Variants in DPP6 observed in about 807,000 individuals in gnomAD.
DPP6 encodes the protein A-type potassium channel modulatory protein DPP6.
Under a neutral mutation model 122.6 loss-of-function variants are expected in DPP6, and 69 were observed. That is an observed-to-expected ratio of 0.56 (90% CI 0.46 to 0.69). The LOEUF (loss-of-function observed/expected upper bound fraction) is 0.69. Among genes scored for constraint, DPP6 ranks in the 30% least tolerant of loss-of-function variants. The pLI is 0.00. For missense variants in DPP6, 928 were observed against 1,116.9 expected (o/e 0.83, Z 2.41); for synonymous variants, 418 against 433.1 (o/e 0.97, Z 0.43).
intron 10 of DPP6, among the ~76,000 whole-genome samples, chr7:154,788,853 C>T (rs1415175795): frequency 6.6e-6 from 1 of 152,180 alleles, no homozygotes; most frequent in Non-Finnish European, 1.5e-5. Flanking sequence ...CTTTACACCT[C>T]CATGTCACCT....
chr7:154,148,812 T>A (rs1796256643), intron 1 of DPP6, among the ~76,000 whole-genome samples: 1 of 152,204 alleles, frequency 6.6e-6, no homozygotes, highest in Non-Finnish European at 1.5e-5. Context: ...TCACGCCTGC[T>A]GAGAATGCCC....
chr7:154,822,352 G>A (rs977398038), intron 16 of DPP6, among the ~76,000 whole-genome samples: 8 of 152,276 alleles, frequency 5.3e-5, no homozygotes, highest in East Asian at 1.9e-4. Flanking sequence ...GTGCTATCTC[G>A]CTGCGTCCTC....
rs187276896 is a variant in DPP6, at chr7:154,524,075, G to A, written c.458-16457G>A. Among the ~76,000 whole-genome samples the A allele has an allele frequency of 5.9e-5, 9 of 152,292 alleles. No homozygotes were observed. The East Asian group carries it at 1.7e-3, about 29-fold the overall frequency. On this transcript the variant is annotated intron_variant, in intron 3 of 25. Transcript: ENST00000377770. ...AAGGTGGAACTCTCCTTCATAAACA[G>A]GCTATTTGGTGTACCTGAAGTACCA...
At position 154,892,864 on chromosome 7, in the gene DPP6, CCTCTGTGTTCCCGTTAGGGA is replaced by C. The variant is rs1806742947; in HGVS notation, c.*386_*405del. On this transcript the variant is annotated 3_prime_UTR_variant, in exon 26 of 26. Coordinates refer to ENST00000377770, the MANE Select transcript of DPP6 (RefSeq NM_130797.4). ...GAAGCATGAGACCCGCCCACACTAG[CCTCTGTGTTCCCGTTAGGGA>C]CATCACACCCTGTCTCACGTCGCAG... The C allele has an allele frequency of 1.9e-6, 1 of 535,630 alleles. No individual in the cohort carries two copies. The highest frequency in any genetic ancestry group is 3.7e-6 in the Non-Finnish European group (1 of 271,332). 33.2% of individuals were successfully genotyped at this position (535,630 alleles called of 1,614,324 possible). A position where few individuals can be genotyped will look rare whatever the true frequency, so the allele number is the denominator to read the frequency against.
At chr7:154,739,609 T>C (rs1223963301) in intron 8 of DPP6, among the ~76,000 whole-genome samples, 1 of 152,262 alleles carries the variant, frequency 6.6e-6, no homozygotes, top group Non-Finnish European at 1.5e-5. Context: ...TAACGTTTTA[T>C]TGTTGCAAAC....
chr7:154,871,723 G>A (rs551781018), intron 18 of DPP6, among the ~76,000 whole-genome samples: 8 of 152,220 alleles, frequency 5.3e-5, no homozygotes, highest in Non-Finnish European at 4.4e-5. Context: ...GTAATGAGAC[G>A]CCAGGTCAGA....
At chr7:154,062,313 C>T (rs1585283083) in intron 1 of DPP6, among the ~76,000 whole-genome samples, 1 of 76,146 alleles carries the variant, frequency 1.3e-5, no homozygotes, top group Non-Finnish European at 2.7e-5. Context: ...TCTGAGGACC[C>T]CCATCGCAGG....
intron 10 of DPP6, among the ~76,000 whole-genome samples, chr7:154,777,268 G>T (rs1195067777): frequency 6.6e-6 from 1 of 152,222 alleles, no homozygotes; most frequent in Non-Finnish European, 1.5e-5. Context: ...GAGCAGAGGT[G>T]CCCCTTGTGG....
intron 1 of DPP6, among the ~76,000 whole-genome samples, chr7:154,055,302 T>C (rs1412178209): frequency 3.8e-5 from 5 of 132,186 alleles, no homozygotes; most frequent in African/African-American, 1.4e-4. Context: ...TTGCATCCTT[T>C]AAAAACAACA....
chr7:153,749,390 C>T, the DPP6 span, among the ~76,000 whole-genome samples: 1 of 151,606 alleles, frequency 6.6e-6, no homozygotes, highest in African/African-American at 2.4e-5. This position sits in a 1 kb window ranked among gnomAD's most constrained non-coding sequence, Gnocchi z 4.1. Context: ...CACAATCAGA[C>T]CCCCCTGGGC....
chr7:154,400,275 A>G (rs1408366005), intron 1 of DPP6, among the ~76,000 whole-genome samples: 1 of 152,184 alleles, frequency 6.6e-6, no homozygotes, highest in Non-Finnish European at 1.5e-5. Flanking sequence ...GCATAAACAC[A>G]GCCCTAAGTG....
chr7:153,984,169 G>A (rs1379524615), intron 1 of DPP6, among the ~76,000 whole-genome samples: 1 of 151,992 alleles, frequency 6.6e-6, no homozygotes, highest in Non-Finnish European at 1.5e-5. Context: ...CAGCAAATTT[G>A]TGGGTATCCC....
intron 1 of DPP6, among the ~76,000 whole-genome samples, chr7:154,015,031 T>C (rs962251309): frequency 4.6e-5 from 7 of 152,152 alleles, no homozygotes; most frequent in African/African-American, 1.7e-4. Context: ...GAAACTGTTT[T>C]CTCATTGACG....
chr7:153,937,764 C>T lies in DPP6; in HGVS notation c.51+50030C>T, dbSNP rs150116259. 4.8e-3 allele frequency among the ~76,000 whole-genome samples: 736 copies of T among 152,208 alleles called. 2 individuals carry two copies. Among genetic ancestry groups the T allele is most frequent in the Non-Finnish European group, 8.1e-3 (548 of 68,006 alleles). On this transcript the variant is annotated intron_variant, in intron 1 of 25. Transcript: ENST00000404039. ...GCCCAGCCCAGAGCTACCTTTGATG[C>T]CCATTTTCATCATGTTCAGCTTGGT...
chr7:154,766,665 G>A (rs1351985023), intron 8 of DPP6, among the ~76,000 whole-genome samples: 2 of 152,214 alleles, frequency 1.3e-5, no homozygotes, highest in Non-Finnish European at 2.9e-5. Context: ...GTTCTCTGAA[G>A]AGTGAATTGA....
intron 21 of DPP6, chr7:154,885,412 C>T (rs1262311186): frequency 1.7e-6 from 1 of 573,414 alleles, no homozygotes; most frequent in Admixed American, 3.2e-5. Flanking sequence ...CACCAAGGCC[C>T]AGAAGCGGAG....
In DPP6 at chr7:154,760,629, C is replaced by T. The variant is rs974513413; in HGVS notation, c.884-8788C>T. 2.6e-5 allele frequency among the ~76,000 whole-genome samples: 4 copies of T among 152,132 alleles called. No homozygotes were observed. The highest frequency in any genetic ancestry group is 4.2e-4 in the South Asian group (2 of 4,808). Reference sequence around the variant, plus strand: ...CAACTGAGTGGGTGGATGACCCAGTCGATTAACAAATGAGTGAGAAACGAG... The same window carrying T: ...CAACTGAGTGGGTGGATGACCCAGTTGATTAACAAATGAGTGAGAAACGAG... On this transcript the variant is annotated intron_variant, in intron 8 of 25. Transcript: ENST00000377770. This position sits in a 1 kb window ranked among gnomAD's most constrained non-coding sequence, Gnocchi z 4.5.
intron 1 of DPP6, among the ~76,000 whole-genome samples, chr7:154,331,306 G>A (rs140903226): frequency 2.0e-5 from 3 of 152,202 alleles, no homozygotes; most frequent in Non-Finnish European, 4.4e-5. Flanking sequence ...TTGTGAGAGG[G>A]ATGTAAGATT....
At chr7:153,866,961 G>C in the DPP6 span, among the ~76,000 whole-genome samples, 5 of 152,094 alleles carry the variant, frequency 3.3e-5, no homozygotes, top group African/African-American at 1.2e-4. Flanking sequence ...GATAGTTGTA[G>C]ATATGTGGCA....
Sources: allele counts gnomAD v4.1 joint callset (sites outside exome capture counted in the v4.1 genomes callset), GRCh38; gene constraint gnomAD v4.1.1; non-coding constraint Gnocchi (gnomAD v3.1); transcripts MANE v1.5; gene names NCBI Gene and HGNC (gene_info 2026-07-23, HGNC 2026-07-21).